LGSN: variants seen among roughly 807,000 people sequenced by gnomAD.
LGSN encodes lengsin, lens protein with glutamine synthetase domain.
LGSN carries 21 observed loss-of-function variants against 19.5 expected under a neutral mutation model. The ratio of observed to expected loss-of-function variants is 1.07; its 90% CI spans 0.76 to 1.55. The LOEUF is 1.55. Ranked by LOEUF, LGSN falls within the 40% of genes most tolerant of loss-of-function variation. The probability of loss-of-function intolerance (pLI) is 0.00; values close to 1 mark genes in which losing one functional copy is unlikely to be tolerated. For missense variants in LGSN, 673 were observed against 608.5 expected (o/e 1.11, Z -1.12); for synonymous variants, 257 against 215.6 (o/e 1.19, Z -1.68).
intron 1 of LGSN, among the ~76,000 whole-genome samples, chr6:63,301,448 T>A (rs1209349045): frequency 2.0e-5 from 3 of 151,802 alleles, no homozygotes; most frequent in African/African-American, 4.8e-5. Flanking sequence ...AATGAAAAAA[T>A]TATATAAATA....
rs908776238 is a variant in LGSN, at chr6:63,281,073, G to T, written c.478C>A (p.Pro160Thr). ...MPELSTFRVLPWADRTARVIC... is the reference protein window; with the variant it reads ...MPELSTFRVLTWADRTARVIC... ...ACTCTTGCAGTTCTGTCAGCCCATG[G>T]CAAAACTCTAAAGGTTGATAACTCT... Residue 160 changes from proline to threonine, a missense_variant, in exon 4 of 4, where the codon CCA becomes ACA. Transcript: ENST00000370657. 3 of 1,613,638 alleles carry T rather than the reference G, an allele frequency of 1.9e-6. No individual in the cohort carries two copies. The African/African-American group carries it at 4.0e-5, about 22-fold the overall frequency.
At chr6:63,296,303 ATAAT>A (rs1004165127) in intron 1 of LGSN, among the ~76,000 whole-genome samples, 1 of 151,734 alleles carries the variant, frequency 6.6e-6, no homozygotes, top group South Asian at 2.1e-4. Flanking sequence ...TTAATATATA[ATAAT>A]TAATTTTGTA....
the LGSN span, among the ~76,000 whole-genome samples, chr6:63,550,116 A>G: frequency 6.6e-6 from 1 of 152,206 alleles, no homozygotes; most frequent in Admixed American, 6.5e-5. Context: ...AAACAGATAA[A>G]TTTTAAAAGA....
chr6:63,494,309 T>C, the LGSN span, among the ~76,000 whole-genome samples: 1 of 152,156 alleles, frequency 6.6e-6, no homozygotes. Context: ...CAGCAGCCTA[T>C]AGCAGCTTAT....
the LGSN span, chr6:63,441,639 A>G: frequency 2.1e-6 from 1 of 478,980 alleles, no homozygotes. Flanking sequence ...AAGCGGGAGA[A>G]GGCAGAGGAG....
At chr6:63,289,119 G>C (rs193023566) in intron 2 of LGSN, among the ~76,000 whole-genome samples, 6 of 152,226 alleles carry the variant, frequency 3.9e-5, no homozygotes, top group Admixed American at 1.3e-4. Flanking sequence ...TGTTTTCTTG[G>C]TACTTGTAGC....
At chr6:63,329,686 G>A in the LGSN span, among the ~76,000 whole-genome samples, 1 of 152,142 alleles carries the variant, frequency 6.6e-6, no homozygotes, top group Non-Finnish European at 1.5e-5. Flanking sequence ...AGACTTCAGG[G>A]TTGATTTCCT....
chr6:63,308,718 T>C (rs187828865), intron 1 of LGSN, among the ~76,000 whole-genome samples: 2 of 152,242 alleles, frequency 1.3e-5, no homozygotes, highest in Admixed American at 6.5e-5. Flanking sequence ...GAGAGGTGCA[T>C]GAAAACGCAA....
At chr6:63,426,470 C>A in the LGSN span, among the ~76,000 whole-genome samples, 1 of 151,628 alleles carries the variant, frequency 6.6e-6, no homozygotes, top group South Asian at 2.1e-4. Context: ...TGAGTGTAAC[C>A]CAGGTAACTG....
At chr6:63,425,821 A>G in the LGSN span, among the ~76,000 whole-genome samples, 1 of 152,134 alleles carries the variant, frequency 6.6e-6, no homozygotes, top group Non-Finnish European at 1.5e-5. Flanking sequence ...AAATAAAAAC[A>G]ATAAAAAGAA....
the LGSN span, among the ~76,000 whole-genome samples, chr6:63,478,284 A>C: frequency 1.4e-4 from 22 of 152,332 alleles, no homozygotes; most frequent in South Asian, 4.6e-3. Context: ...AAAAATGTTT[A>C]AAATGTATAA....
the LGSN span, among the ~76,000 whole-genome samples, chr6:63,453,305 T>G: frequency 3.3e-5 from 5 of 152,300 alleles, no homozygotes; most frequent in Middle Eastern, 3.4e-3. Context: ...ACAGATCATG[T>G]TGGTTGTCTT....
chr6:63,502,479 A>G, the LGSN span, among the ~76,000 whole-genome samples: 1,307 of 152,316 alleles, frequency 8.6e-3, 23 homozygotes, highest in African/African-American at 0.03. Flanking sequence ...AGGGAAAAAA[A>G]TGAGCCTTCA....
At chr6:63,407,837 G>A in the LGSN span, among the ~76,000 whole-genome samples, 1 of 152,138 alleles carries the variant, frequency 6.6e-6, no homozygotes, top group Non-Finnish European at 1.5e-5. Context: ...AAAGTCTCAG[G>A]ATACAAAATC....
chr6:63,504,407 A>T, the LGSN span, among the ~76,000 whole-genome samples: 1 of 152,036 alleles, frequency 6.6e-6, no homozygotes, highest in African/African-American at 2.4e-5. Flanking sequence ...ACGCCCAGCT[A>T]ATTTTTTGTA....
the LGSN span, among the ~76,000 whole-genome samples, chr6:63,361,338 C>T: frequency 3.3e-5 from 5 of 152,198 alleles, no homozygotes; most frequent in Non-Finnish European, 7.3e-5. Flanking sequence ...TGTTTACCTA[C>T]TCAAGCCTCG....
At chr6:63,510,696 C>T in the LGSN span, among the ~76,000 whole-genome samples, 1 of 116,426 alleles carries the variant, frequency 8.6e-6, no homozygotes, top group African/African-American at 3.2e-5. Flanking sequence ...TTTGTTGAGA[C>T]AGAGTCTCGC....
At chr6:63,426,979 G>A in the LGSN span, among the ~76,000 whole-genome samples, 2 of 151,540 alleles carry the variant, frequency 1.3e-5, no homozygotes, top group African/African-American at 2.4e-5. Context: ...TATTCATATG[G>A]CAATTCAGGA....
At chr6:63,361,982 G>A in the LGSN span, among the ~76,000 whole-genome samples, 1 of 152,288 alleles carries the variant, frequency 6.6e-6, no homozygotes, top group South Asian at 2.1e-4. Flanking sequence ...CATAGCAATG[G>A]ACACAAAACG....
Sources: allele counts gnomAD v4.1 joint callset (sites outside exome capture counted in the v4.1 genomes callset), GRCh38; gene constraint gnomAD v4.1.1; transcripts MANE v1.5; gene names NCBI Gene and HGNC (gene_info 2026-07-23, HGNC 2026-07-21).